MACF1: variants seen among roughly 807,000 people sequenced by gnomAD.
MACF1 encodes microtubule-actin cross-linking factor 1.
Under a neutral mutation model 854.8 loss-of-function variants are expected in MACF1, and 193 were observed. The ratio of observed to expected loss-of-function variants is 0.23; its 90% CI spans 0.20 to 0.25. The LOEUF (loss-of-function observed/expected upper bound fraction) is 0.25. MACF1 is among the 10% of genes least tolerant of loss of function. MACF1 has a pLI of 1.00. For synonymous variants in MACF1, 3,185 were observed against 3,226.7 expected (o/e 0.99, Z 0.44); for missense variants, 7,722 against 8,929.1 (o/e 0.86, Z 5.45).
intron 13 of MACF1, 41 bp from the exon 14 acceptor site, chr1:39,285,563 A>G: frequency 6.2e-7 from 1 of 1,601,392 alleles, no homozygotes; most frequent in Non-Finnish European, 8.5e-7. Context: ...TGAGTGGGGC[A>G]ATGGAAGTTT....
At chr1:39,113,314 A>G (rs4660416) in intron 2 of MACF1, among the ~76,000 whole-genome samples, 24,360 of 151,740 alleles carry the variant, frequency 0.16, 2,442 homozygotes, top group Middle Eastern at 0.24. Context: ...AAAAGCACAG[A>G]AAAAAAAATC....
intron 49 of MACF1, among the ~76,000 whole-genome samples, chr1:39,366,943 CTTT>C (rs138556133): frequency 9.7e-5 from 9 of 92,960 alleles, no homozygotes; most frequent in Admixed American, 2.4e-4. Context: ...CATGCCTGGC[CTTT>C]TTTTTTTTTT....
intron 2 of MACF1, among the ~76,000 whole-genome samples, chr1:39,120,551 A>C (rs959489525): frequency 6.6e-6 from 1 of 152,142 alleles, no homozygotes; most frequent in African/African-American, 2.4e-5. Flanking sequence ...TTTAGTAGAC[A>C]CAGGGTTTCA....
chr1:39,118,893 C>G (rs185844849), intron 2 of MACF1, among the ~76,000 whole-genome samples: 1 of 152,172 alleles, frequency 6.6e-6, no homozygotes, highest in East Asian at 1.9e-4. Context: ...CCTCCTCCTC[C>G]TCTTTTTCTT....
intron 97 of MACF1, 122 bp from the exon 98 acceptor site, chr1:39,479,676 C>T (rs772924104): frequency 1.4e-4 from 110 of 765,862 alleles, no homozygotes; most frequent in Non-Finnish European, 2.2e-4. Context: ...GAAGAACCCA[C>T]AGATGGTACT....
At chr1:39,298,413 A>G (rs1419410971) in intron 21 of MACF1, among the ~76,000 whole-genome samples, 2 of 152,352 alleles carry the variant, frequency 1.3e-5, no homozygotes, top group South Asian at 2.1e-4. Flanking sequence ...AAGACTACTT[A>G]TATTTAGTGA....
intron 89 of MACF1, among the ~76,000 whole-genome samples, chr1:39,456,150 A>ATGG (rs1644434426): frequency 6.6e-6 from 1 of 152,232 alleles, no homozygotes; most frequent in South Asian, 2.1e-4. Context: ...CCTAGCCAAC[A>ATGG]TGGTGAAACC....
chr1:39,448,340 C>T (rs1644268720), intron 83 of MACF1, among the ~76,000 whole-genome samples, 188 bp downstream of exon 83: 2 of 152,154 alleles, frequency 1.3e-5, no homozygotes, highest in Non-Finnish European at 2.9e-5. Flanking sequence ...ATTTAAATAA[C>T]AGTTTAAGGA....
At chr1:39,384,823 A>T (rs1569829286) in intron 56 of MACF1, among the ~76,000 whole-genome samples, 2 of 152,232 alleles carry the variant, frequency 1.3e-5, no homozygotes, top group East Asian at 3.8e-4. Context: ...GGCAAAGCAG[A>T]TGAATGCCAA....
intron 71 of MACF1, 99 bp from the exon 72 acceptor site, chr1:39,439,175 G>T: frequency 5.2e-6 from 3 of 575,842 alleles, no homozygotes; most frequent in Non-Finnish European, 9.4e-6. Flanking sequence ...TTAAAAAATA[G>T]TTTCATTGAA....
At chr1:39,442,608 G>A (rs752768832) in intron 77 of MACF1, 41 bp downstream of exon 77, 1 of 1,612,486 alleles carries the variant, frequency 6.2e-7, no homozygotes, top group South Asian at 1.1e-5. Flanking sequence ...CTATTGATTT[G>A]AGACCAGATG....
chr1:39,447,578 A>C lies in MACF1; in HGVS notation c.19752A>C (p.Glu6584Asp), dbSNP rs1346714603. The change falls in exon 81 of 101, where the codon GAA becomes GAC. Residue 6584 changes from glutamate to aspartate, a missense_variant. Physicochemically the swap from Glu to Asp is conservative, Grantham distance 45. Around this residue, in one of 15 missense-constraint regions of MACF1, gnomAD observed 729 missense variants for 900.5 expected, o/e 0.81. Coordinates refer to ENST00000564288, the MANE Select transcript of MACF1 (RefSeq NM_001394062.1). ...TAAATACTGTCCTTTCCCAGATAGA[A>C]GAGCACAAGGTAAGTATGATATTAT... ...LILNTVLSQI[E>D]EHKVFANEVN... is the part of the protein sequence containing the mutation. 5 of 1,614,122 alleles carry C rather than the reference A, an allele frequency of 3.1e-6. No individual in the cohort carries two copies. In the Admixed American group the frequency reaches 8.3e-5, roughly 27 times the overall value.
At chr1:39,231,811 T>G (rs1484167422) in intron 2 of MACF1, among the ~76,000 whole-genome samples, 1 of 152,012 alleles carries the variant, frequency 6.6e-6, no homozygotes, top group Non-Finnish European at 1.5e-5. Context: ...TCCCAAAGTG[T>G]TAGGATTACA....
intron 58 of MACF1, among the ~76,000 whole-genome samples, chr1:39,420,334 T>C (rs549035912): frequency 6.6e-6 from 1 of 152,336 alleles, no homozygotes; most frequent in South Asian, 2.1e-4. Flanking sequence ...ACCATTTTAT[T>C]GTACCAAAAG....
In MACF1 at chr1:39,251,879, A is replaced by T; in HGVS notation, c.295A>T (p.Ser99Cys). 4 of 1,513,672 alleles carry T rather than the reference A, an allele frequency of 2.6e-6. No homozygotes were observed. The highest frequency in any genetic ancestry group is 3.5e-6 in the Non-Finnish European group (4 of 1,135,888). The allele number at this position is 1,513,672 out of a possible 1,614,324, so 93.8% of individuals were successfully genotyped here. A position where few individuals can be genotyped will look rare whatever the true frequency, so the allele number is the denominator to read the frequency against. ...PAGLKTLRLV[S>C]MPSWCHTNNE... is the part of the protein sequence containing the mutation. ...AGGGCTGAAGACCCTCCGTCTGGTGAGCATGCCCTCCTGGTGCCATACAAA... is the reference window on the plus strand; with the variant it reads ...AGGGCTGAAGACCCTCCGTCTGGTGTGCATGCCCTCCTGGTGCCATACAAA... The change falls in exon 4 of 101, where the codon AGC (serine) becomes TGC (cysteine). Residue 99 changes from serine (S) to cysteine (C), a missense_variant. By Grantham distance (112) the Ser-to-Cys change is moderately radical. This residue lies in a region of MACF1 where 82 missense variants were observed against 84.0 expected (regional missense o/e 0.98). Coordinates refer to ENST00000564288, the MANE Select transcript of MACF1 (RefSeq NM_001394062.1).
intron 84 of MACF1, among the ~76,000 whole-genome samples, chr1:39,449,954 G>A (rs556711365): frequency 2.6e-5 from 4 of 151,974 alleles, no homozygotes; most frequent in East Asian, 1.9e-4. Flanking sequence ...CCATCTCCCC[G>A]GTTCAAGCAA....
intron 23 of MACF1, among the ~76,000 whole-genome samples, chr1:39,306,646 T>C (rs577634114): frequency 3.7e-4 from 55 of 147,494 alleles, no homozygotes; most frequent in African/African-American, 1.0e-3. Context: ...ACCTGTTCTG[T>C]AGGCCTGATT....
At chr1:39,288,620 G>A (rs558144092) in intron 15 of MACF1, among the ~76,000 whole-genome samples, 26 of 151,690 alleles carry the variant, frequency 1.7e-4, no homozygotes, top group Non-Finnish European at 3.1e-4. Context: ...GGCAACATGC[G>A]AAATCCCATC....
At chr1:39,413,946 G>C (rs1028119686) in intron 58 of MACF1, 2 of 1,603,982 alleles carry the variant, frequency 1.2e-6, no homozygotes, top group South Asian at 1.1e-5. Flanking sequence ...CCTCTGAGGA[G>C]CCTGCCTCCC....
Sources: gnomAD v4.1 joint callset for allele counts (sites outside exome capture counted in the v4.1 genomes callset) on GRCh38, gnomAD v4.1.1 for gene constraint, gnomAD v4.1.1 regional missense constraint, MANE v1.5 for transcripts, NCBI Gene and HGNC (gene_info 2026-07-23, HGNC 2026-07-21) for gene names.